The following MIS18BP1 variants were observed in gnomAD, a reference collection of about 807,000 sequenced individuals.
MIS18BP1 encodes the protein mis18-binding protein 1.
In MIS18BP1, 72 loss-of-function variants were observed where a neutral mutation model predicts 116.1. That is an observed-to-expected ratio of 0.62 (90% CI 0.51 to 0.75). MIS18BP1 has a LOEUF of 0.75. Among genes scored for constraint, MIS18BP1 ranks in the 30% least tolerant of loss-of-function variants. The pLI is 0.00. For synonymous variants in MIS18BP1, 386 were observed against 427.0 expected (o/e 0.90, Z 1.18); for missense variants, 1,363 against 1,303.2 (o/e 1.05, Z -0.71).
chr14:45,220,630 C>A (rs1269972654), intron 11 of MIS18BP1, among the ~76,000 whole-genome samples: 1 of 152,040 alleles, frequency 6.6e-6, no homozygotes, highest in Non-Finnish European at 1.5e-5. Flanking sequence ...ACTCAATATG[C>A]CTTTGAAATT....
intron 4 of MIS18BP1, among the ~76,000 whole-genome samples, chr14:45,238,168 A>G (rs931376645): frequency 2.0e-5 from 3 of 150,472 alleles, no homozygotes; most frequent in Non-Finnish European, 3.0e-5. Flanking sequence ...TCTACAAACT[A>G]AAAAGGTAAC....
intron 10 of MIS18BP1, 66 bp downstream of exon 10, chr14:45,226,674 TATC>T (rs1469738910): frequency 2.5e-6 from 3 of 1,181,798 alleles, no homozygotes; most frequent in Middle Eastern, 3.2e-4. Context: ...AGATCACTTT[TATC>T]ATATTAAAAA....
intron 8 of MIS18BP1, 29 bp from the exon 9 acceptor site, chr14:45,227,843 A>G: frequency 2.5e-6 from 4 of 1,603,114 alleles, no homozygotes; most frequent in Non-Finnish European, 3.4e-6. Flanking sequence ...AGATTTCAAT[A>G]AATGGTTATA....
chr14:45,243,685 G>A (rs531771702), intron 2 of MIS18BP1, among the ~76,000 whole-genome samples: 1 of 152,078 alleles, frequency 6.6e-6, no homozygotes, highest in African/African-American at 2.4e-5. Context: ...TTATAACAAC[G>A]TGTCACAAAA....
chr14:45,210,315 A>T, intron 14 of MIS18BP1, 65 bp downstream of exon 14: 2 of 1,503,706 alleles, frequency 1.3e-6, no homozygotes, highest in Non-Finnish European at 1.8e-6. Context: ...GTCCTCATGA[A>T]ATGTTTAAAT....
At chr14:45,216,045 T>C (rs2139160944) in intron 13 of MIS18BP1, among the ~76,000 whole-genome samples, 1 of 152,328 alleles carries the variant, frequency 6.6e-6, no homozygotes, top group Non-Finnish European at 1.5e-5. Context: ...ATTTAGATTC[T>C]AGAAAGTCTT....
intron 11 of MIS18BP1, among the ~76,000 whole-genome samples, chr14:45,220,516 G>A (rs1227550482): frequency 6.6e-6 from 1 of 152,092 alleles, no homozygotes; most frequent in Non-Finnish European, 1.5e-5. Context: ...CCTTCTGATG[G>A]AGTTCTCATG....
At chr14:45,208,190 A>C (rs753494815) in intron 14 of MIS18BP1, among the ~76,000 whole-genome samples, 12 of 152,150 alleles carry the variant, frequency 7.9e-5, no homozygotes, top group Non-Finnish European at 1.5e-4. Context: ...GATAAATCTT[A>C]ATTTATAACT....
chr14:45,224,986 G>T (rs1891087609), intron 10 of MIS18BP1, among the ~76,000 whole-genome samples: 1 of 152,012 alleles, frequency 6.6e-6, no homozygotes, highest in Admixed American at 6.6e-5. Context: ...CAGTCTTTTA[G>T]TAGACATATA....
chr14:45,225,423 C>T (rs1891097186), intron 10 of MIS18BP1, among the ~76,000 whole-genome samples: 1 of 151,958 alleles, frequency 6.6e-6, no homozygotes, highest in Non-Finnish European at 1.5e-5. Flanking sequence ...GAGCCTTTCA[C>T]ATATACAGTA....
chr14:45,221,330 G>T (rs531203356), intron 11 of MIS18BP1, among the ~76,000 whole-genome samples: 1,775 of 152,128 alleles, frequency 0.012, 16 homozygotes, highest in Middle Eastern at 0.031. Context: ...CCAGCTACTC[G>T]GGAGGCTGAG....
rs575309578 is a variant in MIS18BP1 at position 45,242,529 on chromosome 14, TACAAA to T, written c.659-16_659-12del. 5 of 1,562,400 alleles carry T rather than the reference TACAAA, an allele frequency of 3.2e-6. No homozygotes were observed. The highest frequency in any genetic ancestry group is 1.4e-5 in the African/African-American group (1 of 72,082). On this transcript the variant is annotated splice_polypyrimidine_tract_variant and intron_variant, in intron 3 of 16. Transcript: ENST00000310806. ...TCAGAGTTGGAAGTTCTGCAAAAAA[TACAAA>T]ACAAAACAAAACAAAACAATTATAG...
chr14:45,217,190 A>C lies in MIS18BP1; in HGVS notation c.2843-11T>G. ...CATCACCTCTCTTGCCTTAAGAGTC[A>C]GCAAACCATTTTGATAAGGATTTGG... On this transcript the variant is annotated splice_polypyrimidine_tract_variant and intron_variant, in intron 12 of 16. Transcript: ENST00000310806. 1.2e-6 allele frequency: 2 copies of C among 1,611,078 alleles called. No homozygotes were observed. The highest frequency in any genetic ancestry group is 1.7e-6 in the Non-Finnish European group (2 of 1,179,002).
rs189866601 is a variant in MIS18BP1, at chr14:45,221,415, C to T, written c.2669+2503G>A. 1.9e-4 allele frequency among the ~76,000 whole-genome samples: 29 copies of T among 151,560 alleles called. No individual in the cohort carries two copies. In the East Asian group the frequency reaches 3.9e-3, roughly 20 times the overall value. Reference sequence around the variant, plus strand: ...TCGCGCCACTTCACTCCAGCCTGGGCGACAGAGCAAGACTCCGTCTCAAAA... The same window carrying T: ...TCGCGCCACTTCACTCCAGCCTGGGTGACAGAGCAAGACTCCGTCTCAAAA... On this transcript the variant is annotated intron_variant, in intron 11 of 16. Transcript: ENST00000310806.
chr14:45,214,016 G>C (rs1380125154), intron 13 of MIS18BP1, among the ~76,000 whole-genome samples: 1 of 152,178 alleles, frequency 6.6e-6, no homozygotes, highest in Non-Finnish European at 1.5e-5. Context: ...ATACACTGCA[G>C]AAGGCCACAG....
intron 6 of MIS18BP1, among the ~76,000 whole-genome samples, chr14:45,235,009 C>G (rs1214898897): frequency 6.6e-6 from 1 of 152,064 alleles, no homozygotes; most frequent in Non-Finnish European, 1.5e-5. Flanking sequence ...CATGAGGTCA[C>G]AAGTTCAAGA....
intron 12 of MIS18BP1, 101 bp from the exon 13 acceptor site, chr14:45,217,280 T>A: frequency 7.2e-7 from 1 of 1,379,548 alleles, no homozygotes; most frequent in Non-Finnish European, 9.8e-7. Flanking sequence ...GCATTCATGT[T>A]AAAAAAAAAC....
chr14:45,228,696 A>G (rs1174172844), intron 8 of MIS18BP1, among the ~76,000 whole-genome samples: 1 of 152,254 alleles, frequency 6.6e-6, no homozygotes, highest in African/African-American at 2.4e-5. Context: ...TTAAAGATGT[A>G]CTGACTAGTC....
rs1248560010 is a variant in MIS18BP1 at position 45,203,878 on chromosome 14, G to A, written c.*231C>T. The A allele has an allele frequency of 7.1e-6, 2 of 281,596 alleles. No individual in the cohort carries two copies. The highest frequency in any genetic ancestry group is 1.2e-5 in the Non-Finnish European group (2 of 161,054). 17.4% of individuals were successfully genotyped at this position (281,596 alleles called of 1,614,324 possible). A position where few individuals can be genotyped will look rare whatever the true frequency, so the allele number is the denominator to read the frequency against. On this transcript the variant is annotated 3_prime_UTR_variant, in exon 17 of 17. Coordinates refer to ENST00000310806, the MANE Select transcript of MIS18BP1 (RefSeq NM_018353.5). ...AAATTATCTATATATATTTTAATAT[G>A]CAAAAACAAATTTACAGATATCTAC... is the stretch of plus-strand genomic sequence containing the variant.
Sources: gnomAD v4.1 joint callset for allele counts (sites outside exome capture counted in the v4.1 genomes callset) on GRCh38, gnomAD v4.1.1 for gene constraint, MANE v1.5 for transcripts, NCBI Gene and HGNC (gene_info 2026-07-23, HGNC 2026-07-21) for gene names.